The following PLCH2 variants were observed in gnomAD, a reference collection of about 807,000 sequenced individuals.
The protein encoded by PLCH2 is 1-phosphatidylinositol 4,5-bisphosphate phosphodiesterase eta-2.
Under a neutral mutation model 134.7 loss-of-function variants are expected in PLCH2, and 98 were observed. That is an observed-to-expected ratio of 0.73 (90% CI 0.62 to 0.86). The LOEUF is 0.86. Among genes scored for constraint, PLCH2 ranks in the 40% least tolerant of loss-of-function variants. PLCH2 has a pLI of 0.00. For missense variants in PLCH2, 1,994 were observed against 1,986.6 expected (o/e 1.00, Z -0.07); for synonymous variants, 974 against 827.5 (o/e 1.18, Z -3.04).
intron 2 of PLCH2, among the ~76,000 whole-genome samples, chr1:2,442,425 G>A (rs754233956): frequency 1.1e-4 from 17 of 152,270 alleles, no homozygotes; most frequent in South Asian, 6.2e-4. Flanking sequence ...ACGCTCCCAC[G>A]CACCCCTACC....
chr1:2,476,421 A>G lies in PLCH2; in HGVS notation c.-168A>G. ...AGGCCAATGCCAGCCGGGCCTGGGC[A>G]CAGCCCTGTGGGGGCTTCGGAGGGC... On this transcript the variant is annotated 5_prime_UTR_variant, in exon 1 of 22. Transcript: ENST00000378486. The G allele has an allele frequency of 1.6e-6, 1 of 635,478 alleles. No individual in the cohort carries two copies. The highest frequency in any genetic ancestry group is 2.5e-6 in the Non-Finnish European group (1 of 392,356). The allele number at this position is 635,478 out of a possible 1,614,324, so 39.4% of individuals were successfully genotyped here. A position where few individuals can be genotyped will look rare whatever the true frequency, so the allele number is the denominator to read the frequency against.
At position 2,440,525 on chromosome 1, in the gene PLCH2, G is replaced by T. The variant is rs3001355; in HGVS notation, c.115+9896G>T. ...GGGGATCTTGCATTGCTGCGACCAG[G>T]GATCCTCTCTCCATGTCTGTCGCTG... On this transcript the variant is annotated intron_variant, in intron 2 of 3. Transcript: ENST00000609981. Among the ~76,000 whole-genome samples the T allele has an allele frequency of 1.9e-3, 270 of 144,930 alleles. 29 individuals are homozygous for T. The highest frequency in any genetic ancestry group is 3.2e-3 in the South Asian group (15 of 4,616).
chr1:2,416,388 C>A, the PLCH2 span, among the ~76,000 whole-genome samples: 2 of 58,108 alleles, frequency 3.4e-5, no homozygotes, highest in East Asian at 1.4e-3. Context: ...ACAAGCTGGC[C>A]CCGAGTACAG....
rs1014601589 is a variant in PLCH2, at chr1:2,505,335, C to T, written c.*122C>T. 2 of 715,908 alleles carry T rather than the reference C, an allele frequency of 2.8e-6. No individual in the cohort carries two copies. Among genetic ancestry groups the T allele is most frequent in the Non-Finnish European group, 4.5e-6 (2 of 447,070 alleles). The allele number at this position is 715,908 out of a possible 1,614,324, so 44.3% of individuals were successfully genotyped here. The stretch of plus-strand genomic sequence containing the variant: ...TGTCCCCCTGGCTGCCCTGTGTCCC[C>T]TCCACCCCTGCCTCCCTCCTGCCCC... On this transcript the variant is annotated 3_prime_UTR_variant, in exon 22 of 22. Transcript: ENST00000378486.
At chr1:2,434,819 C>T (rs557024750) in intron 2 of PLCH2, among the ~76,000 whole-genome samples, 3 of 152,338 alleles carry the variant, frequency 2.0e-5, no homozygotes, top group East Asian at 3.9e-4. Context: ...ACCTGGAAAT[C>T]GAGGCTCCCC....
intron 2 of PLCH2, among the ~76,000 whole-genome samples, chr1:2,457,353 G>A (rs574774725): frequency 2.0e-5 from 3 of 152,292 alleles, no homozygotes; most frequent in Admixed American, 1.3e-4. Flanking sequence ...CCTGTGAGTG[G>A]CCAGGGGCTG....
chr1:2,487,066 T>C (rs1642324966), intron 6 of PLCH2, 66 bp downstream of exon 6: 18 of 1,510,868 alleles, frequency 1.2e-5, no homozygotes, highest in Non-Finnish European at 1.5e-5. Flanking sequence ...GGGCCCAACC[T>C]GTGGGCCGGG....
At chr1:2,479,434 C>A (rs1641826265) in intron 2 of PLCH2, 1 of 328,978 alleles carries the variant, frequency 3.0e-6, no homozygotes. Context: ...AAACGTGGAG[C>A]CCCGGGCCAG....
chr1:2,416,343 T>C, the PLCH2 span, among the ~76,000 whole-genome samples: 1 of 152,176 alleles, frequency 6.6e-6, no homozygotes, highest in Non-Finnish European at 1.5e-5. Context: ...TCTCTTTAGC[T>C]ATACATGGGT....
chr1:2,496,044 C>T (rs1266051261), intron 13 of PLCH2, among the ~76,000 whole-genome samples: 5 of 152,082 alleles, frequency 3.3e-5, no homozygotes, highest in African/African-American at 4.8e-5. Flanking sequence ...CCACCCCTCC[C>T]GGACCCTGGG....
upstream of PLCH2, among the ~76,000 whole-genome samples, chr1:2,471,309 T>G (rs1211765825): frequency 6.6e-6 from 1 of 152,122 alleles, no homozygotes; most frequent in Admixed American, 6.5e-5. Flanking sequence ...GCGGGCCAGC[T>G]GGAGAGTGTG....
intron 21 of PLCH2, 137 bp downstream of exon 21, chr1:2,502,546 C>T (rs190731502): frequency 3.3e-4 from 321 of 959,340 alleles, no homozygotes; most frequent in Non-Finnish European, 4.7e-4. Context: ...GCGTGAACAC[C>T]GGGGGCCTGC....
chr1:2,436,290 CCTTT>C (rs1639357320), intron 2 of PLCH2, among the ~76,000 whole-genome samples: 1 of 76,790 alleles, frequency 1.3e-5, no homozygotes, highest in African/African-American at 5.1e-5. Context: ...CCTCCCTCCT[CCTTT>C]CCTCCTTCTT....
intron 21 of PLCH2, chr1:2,502,799 C>G (rs762000676): frequency 1.4e-6 from 1 of 716,926 alleles, no homozygotes; most frequent in Non-Finnish European, 2.6e-6. Context: ...AAGGTCCCCC[C>G]GCTGGCCTGA....
chr1:2,420,518 G>A, the PLCH2 span, among the ~76,000 whole-genome samples: 1 of 152,170 alleles, frequency 6.6e-6, no homozygotes, highest in African/African-American at 2.4e-5. Flanking sequence ...GAGGGCTGGG[G>A]AGTCCCGGAG....
chr1:2,471,034 GAC>G (rs1232393074), intron 1 of PLCH2, among the ~76,000 whole-genome samples: 1 of 147,844 alleles, frequency 6.8e-6, no homozygotes, highest in Non-Finnish European at 1.5e-5. Flanking sequence ...AGCCTCCAGG[GAC>G]ACACAATGGG....
At position 2,499,648 on chromosome 1, in the gene PLCH2, A is replaced by G. The variant is rs2100731359; in HGVS notation, c.2589A>G (p.Arg863=). 3 of 1,600,766 alleles carry G rather than the reference A, an allele frequency of 1.9e-6. No homozygotes were observed. The highest frequency in any genetic ancestry group is 2.6e-6 in the Non-Finnish European group (3 of 1,174,048). Residue 863 remains arginine (R), a synonymous_variant, in exon 20 of 22, where the codon AGA becomes AGG. Coordinates refer to ENST00000378486, the MANE Select transcript of PLCH2 (RefSeq NM_014638.4). ...LAFSSMMPGY[R]HVYLEGMEEA... The stretch of plus-strand genomic sequence containing the variant: ...TGACCCACACTGCTCCAGGCTACAG[A>G]CACGTGTACCTAGAAGGGATGGAAG...
intron 1 of PLCH2, among the ~76,000 whole-genome samples, chr1:2,468,574 G>A (rs1641181278): frequency 6.6e-6 from 1 of 152,154 alleles, no homozygotes; most frequent in Admixed American, 6.5e-5. Flanking sequence ...GGGGCGGGGA[G>A]AGGAAAACGT....
At chr1:2,467,756 G>C in intron 1 of PLCH2, 1 of 400,016 alleles carries the variant, frequency 2.5e-6, no homozygotes, top group Non-Finnish European at 4.4e-6. Context: ...GCCCAGGACC[G>C]GACCTGTTCA....
Sources: gnomAD v4.1 joint callset for allele counts (sites outside exome capture counted in the v4.1 genomes callset) on GRCh38, gnomAD v4.1.1 for gene constraint, MANE v1.5 for transcripts, NCBI Gene and HGNC (gene_info 2026-07-23, HGNC 2026-07-21) for gene names.